Variants in SUPT3H observed in about 807,000 individuals in gnomAD.
The protein encoded by SUPT3H is SPT3 homolog, SAGA and STAGA complex component, also known as transcription initiation protein SPT3 homolog.
A neutral mutation model predicts 44.3 loss-of-function variants in SUPT3H; 44 were observed. The ratio of observed to expected loss-of-function variants is 0.99; its 90% CI spans 0.78 to 1.28. The LOEUF is 1.28. SUPT3H is among the 50% of genes most tolerant of loss of function. The probability of loss-of-function intolerance (pLI) is 0.00; values close to 1 mark genes in which losing one functional copy is unlikely to be tolerated. For missense variants in SUPT3H, 380 were observed against 387.1 expected (o/e 0.98, Z 0.15); for synonymous variants, 124 against 125.6 (o/e 0.99, Z 0.09).
At chr6:45,253,968 C>T (rs184780662) in intron 2 of SUPT3H, among the ~76,000 whole-genome samples, 2 of 150,992 alleles carry the variant, frequency 1.3e-5, no homozygotes, top group African/African-American at 4.9e-5. Flanking sequence ...CACAGACACA[C>T]ACACATTCAT....
At chr6:44,860,041 T>C (rs1368349770) in intron 10 of SUPT3H, among the ~76,000 whole-genome samples, 3 of 152,176 alleles carry the variant, frequency 2.0e-5, no homozygotes, top group East Asian at 3.8e-4. Context: ...AAAGAGTTTA[T>C]ATACCATGAC....
At chr6:44,996,552 T>C (rs892050037) in intron 6 of SUPT3H, among the ~76,000 whole-genome samples, 1 of 151,884 alleles carries the variant, frequency 6.6e-6, no homozygotes, top group South Asian at 2.1e-4. Flanking sequence ...ATAGAGTCTA[T>C]TTCCTCTCTT....
chr6:45,373,653 C>T (rs1455398924), intron 1 of SUPT3H, among the ~76,000 whole-genome samples: 4 of 152,060 alleles, frequency 2.6e-5, no homozygotes, highest in South Asian at 2.1e-4. Context: ...CGGGTTCAAG[C>T]GATTCTCCTG....
chr6:44,943,883 AAAC>A (rs1772863263), intron 9 of SUPT3H, among the ~76,000 whole-genome samples: 1 of 152,162 alleles, frequency 6.6e-6, no homozygotes, highest in Admixed American at 6.5e-5. Flanking sequence ...AACAAATGTT[AAAC>A]AAAATTTAGC....
intron 3 of SUPT3H, among the ~76,000 whole-genome samples, chr6:45,073,652 C>T (rs1227392181): frequency 6.6e-6 from 1 of 151,998 alleles, no homozygotes; most frequent in East Asian, 1.9e-4. Context: ...ATTTATACTA[C>T]TATACCAAAT....
intron 2 of SUPT3H, among the ~76,000 whole-genome samples, chr6:45,317,695 C>G (rs1019478493): frequency 6.6e-6 from 1 of 152,052 alleles, no homozygotes; most frequent in Admixed American, 6.6e-5. Flanking sequence ...TCAACTCAAA[C>G]TGCATTAAAC....
chr6:45,303,129 C>A (rs1562916174), intron 2 of SUPT3H, among the ~76,000 whole-genome samples: 1 of 152,098 alleles, frequency 6.6e-6, no homozygotes, highest in East Asian at 1.9e-4. Flanking sequence ...CAAGATGGAT[C>A]AAGGACTTAA....
intron 2 of SUPT3H, among the ~76,000 whole-genome samples, chr6:45,210,696 C>T (rs920066681): frequency 2.0e-5 from 3 of 152,150 alleles, no homozygotes; most frequent in Non-Finnish European, 4.4e-5. Context: ...GCAAAATAAA[C>T]TTTCTAAACT....
At chr6:45,306,072 T>A (rs1449346454) in intron 2 of SUPT3H, among the ~76,000 whole-genome samples, 1 of 152,128 alleles carries the variant, frequency 6.6e-6, no homozygotes, top group Non-Finnish European at 1.5e-5. Context: ...GCAGGTGAGG[T>A]GCCTACATGA....
At chr6:45,151,798 G>A (rs1471160715) in intron 2 of SUPT3H, among the ~76,000 whole-genome samples, 2 of 152,124 alleles carry the variant, frequency 1.3e-5, no homozygotes, top group Non-Finnish European at 2.9e-5. Flanking sequence ...AGTTAGCCCA[G>A]TGATAAAGGC....
chr6:45,015,799 A>G (rs912917583), intron 4 of SUPT3H, among the ~76,000 whole-genome samples: 3 of 117,332 alleles, frequency 2.6e-5, no homozygotes, highest in Non-Finnish European at 5.8e-5. Flanking sequence ...ACGCGCGCGC[A>G]CACACACACA....
intron 7 of SUPT3H, among the ~76,000 whole-genome samples, chr6:44,956,503 TAAAAAAAAAAAA>T (rs1562131316): frequency 6.2e-4 from 4 of 6,478 alleles, no homozygotes; most frequent in Non-Finnish European, 6.5e-4. Flanking sequence ...AAAATAAAAA[TAAAAAAAAAAAA>T]GTGTCTATTA....
intron 10 of SUPT3H, among the ~76,000 whole-genome samples, chr6:44,914,608 C>T (rs1167903299): frequency 6.6e-6 from 1 of 152,120 alleles, no homozygotes; most frequent in Admixed American, 6.6e-5. Context: ...GCAAATTAAT[C>T]ATAGGTAATG....
At chr6:45,104,493 C>CT (rs11383949) in intron 3 of SUPT3H, among the ~76,000 whole-genome samples, 17,981 of 151,980 alleles carry the variant, frequency 0.12, 1,246 homozygotes, top group African/African-American at 0.19. Context: ...CATCCTTCCC[C>CT]TATGATAATA....
intron 2 of SUPT3H, among the ~76,000 whole-genome samples, chr6:45,343,207 T>C (rs750042457): frequency 6.6e-6 from 1 of 152,166 alleles, no homozygotes; most frequent in Non-Finnish European, 1.5e-5. Flanking sequence ...ACCTGAAAGC[T>C]TGTTAAAAAT....
intron 2 of SUPT3H, among the ~76,000 whole-genome samples, chr6:45,334,852 T>C (rs1439390565): frequency 2.0e-5 from 3 of 151,226 alleles, no homozygotes; most frequent in Non-Finnish European, 4.5e-5. Context: ...CAAATGTCAA[T>C]CTATAAAACC....
intron 4 of SUPT3H, among the ~76,000 whole-genome samples, chr6:45,015,695 G>T (rs572323142): frequency 6.6e-6 from 1 of 151,514 alleles, no homozygotes; most frequent in Non-Finnish European, 1.5e-5. Context: ...GTACAAAAAC[G>T]TTTTTCCTTT....
At position 45,205,690 on chromosome 6, in the gene SUPT3H, G is replaced by A. The variant is rs143885852; in HGVS notation, c.102-99684C>T. On this transcript the variant is annotated intron_variant, in intron 2 of 10. Coordinates refer to ENST00000371459, the MANE Select transcript of SUPT3H (RefSeq NM_003599.4). ...CAAGTGCCTGTAATCCTAGCTACCC[G>A]GGAGGCTGAGGCAGGAGAATTGCTT... Among the ~76,000 whole-genome samples the A allele has an allele frequency of 6.3e-3, 955 of 152,106 alleles. 18 individuals carry two copies. The highest frequency in any genetic ancestry group is 0.022 in the African/African-American group (902 of 41,472).
At position 44,979,117 on chromosome 6, in the gene SUPT3H, G is replaced by T. The variant is rs59048925; in HGVS notation, c.505-17289C>A. The stretch of plus-strand genomic sequence containing the variant: ...GTATCCCATATAGTTAAATGAACAC[G>T]CCTTGTTACTTTGCATACCCTCCTT... On this transcript the variant is annotated intron_variant, in intron 6 of 10. Coordinates refer to ENST00000371459, the MANE Select transcript of SUPT3H (RefSeq NM_003599.4). Among the ~76,000 whole-genome samples, 1,316 of 152,178 alleles carry T rather than the reference G, an allele frequency of 8.6e-3. 24 individuals are homozygous for T. The highest frequency in any genetic ancestry group is 0.03 in the African/African-American group (1,240 of 41,538).
Sources: gnomAD v4.1 joint callset for allele counts (sites outside exome capture counted in the v4.1 genomes callset) on GRCh38, gnomAD v4.1.1 for gene constraint, MANE v1.5 for transcripts, NCBI Gene and HGNC (gene_info 2026-07-23, HGNC 2026-07-21) for gene names.